The following IFT81 variants were observed in gnomAD, a reference collection of about 807,000 sequenced individuals.
IFT81 encodes intraflagellar transport protein 81 homolog.
IFT81 carries 72 observed loss-of-function variants against 102.6 expected under a neutral mutation model. That is an observed-to-expected ratio of 0.70 (90% CI 0.58 to 0.85). IFT81 has a LOEUF of 0.85. Among genes scored for constraint, IFT81 ranks in the 40% least tolerant of loss-of-function variants. The probability of loss-of-function intolerance (pLI) is 0.00; values close to 1 mark genes in which losing one functional copy is unlikely to be tolerated. For missense variants in IFT81, 723 were observed against 787.3 expected (o/e 0.92, Z 0.98); for synonymous variants, 237 against 242.7 (o/e 0.98, Z 0.22).
intron 11 of IFT81, among the ~76,000 whole-genome samples, chr12:110,176,965 A>G (rs1593339045): frequency 1.3e-5 from 2 of 152,348 alleles, no homozygotes; most frequent in Non-Finnish European, 2.9e-5. Context: ...CATTTTGGGC[A>G]CTTTGCCCAG....
chr12:110,153,861 A>T (rs1895683515), intron 10 of IFT81, among the ~76,000 whole-genome samples: 1 of 148,426 alleles, frequency 6.7e-6, no homozygotes, highest in African/African-American at 2.5e-5. Context: ...CAGCTGATCC[A>T]CCTGCCTCGG....
At chr12:110,177,676 T>G (rs1566146285) in intron 11 of IFT81, among the ~76,000 whole-genome samples, 1 of 152,234 alleles carries the variant, frequency 6.6e-6, no homozygotes, top group East Asian at 1.9e-4. Flanking sequence ...TCTTAGTATT[T>G]TAAAGGAATT....
intron 8 of IFT81, among the ~76,000 whole-genome samples, chr12:110,138,729 G>A (rs1180203874): frequency 1.3e-5 from 2 of 152,132 alleles, no homozygotes; most frequent in African/African-American, 4.8e-5. Flanking sequence ...CACTGGGCCC[G>A]GCTGAGGCTA....
At chr12:110,206,590 G>A (rs185639849) in intron 17 of IFT81, among the ~76,000 whole-genome samples, 37 of 151,650 alleles carry the variant, frequency 2.4e-4, no homozygotes, top group African/African-American at 8.0e-4. Context: ...CGTGGGAATC[G>A]CTTGAACCCG....
chr12:110,209,677 G>A (rs763346917), intron 18 of IFT81, among the ~76,000 whole-genome samples: 4 of 151,058 alleles, frequency 2.6e-5, no homozygotes, highest in Non-Finnish European at 5.9e-5. Context: ...CCTGAGGCAG[G>A]AGAATCACTT....
intron 11 of IFT81, among the ~76,000 whole-genome samples, chr12:110,176,893 G>C (rs1566145699): frequency 6.6e-6 from 1 of 152,250 alleles, no homozygotes; most frequent in Non-Finnish European, 1.5e-5. Flanking sequence ...AGTACAGCAA[G>C]ATAGAGAAGG....
chr12:110,148,926 C>G (rs1380770409), intron 10 of IFT81, among the ~76,000 whole-genome samples: 1 of 152,094 alleles, frequency 6.6e-6, no homozygotes, highest in African/African-American at 2.4e-5. Context: ...TTGCATCCTC[C>G]AACAGTGAAG....
chr12:110,199,615 C>G (rs1038452223), intron 14 of IFT81, among the ~76,000 whole-genome samples: 9 of 152,206 alleles, frequency 5.9e-5, no homozygotes, highest in Non-Finnish European at 1.5e-5. Flanking sequence ...AGTACGTAGG[C>G]TCTGCAGCCC....
chr12:110,128,454 C>A (rs1300318079), intron 3 of IFT81, among the ~76,000 whole-genome samples: 1 of 150,030 alleles, frequency 6.7e-6, no homozygotes, highest in Non-Finnish European at 1.5e-5. Context: ...TATTGAGGGC[C>A]AAATTTTTCT....
At chr12:110,211,764 C>G (rs1869475852) in intron 18 of IFT81, among the ~76,000 whole-genome samples, 1 of 152,084 alleles carries the variant, frequency 6.6e-6, no homozygotes, top group Non-Finnish European at 1.5e-5. Context: ...ACCTTGGCCT[C>G]CCAAAGTGCT....
At chr12:110,142,172 G>GT (rs1020116073) in intron 8 of IFT81, among the ~76,000 whole-genome samples, 12 of 151,774 alleles carry the variant, frequency 7.9e-5, no homozygotes, top group African/African-American at 2.7e-4. Context: ...TTTTTCTTTT[G>GT]TTTTTTTGAG....
intron 10 of IFT81, among the ~76,000 whole-genome samples, chr12:110,154,552 G>A (rs566476429): frequency 8.0e-5 from 12 of 150,792 alleles, no homozygotes; most frequent in South Asian, 4.2e-4. Context: ...AATTGAACCC[G>A]GGAGGTAGAG....
intron 11 of IFT81, 22 bp downstream of exon 11, chr12:110,163,087 G>C (rs1189751262): frequency 1.2e-6 from 2 of 1,605,336 alleles, no homozygotes; most frequent in Non-Finnish European, 1.7e-6. Context: ...CATCTCATGG[G>C]ACAAGGGTAT....
At chr12:110,173,963 AAAAAAAAAAGAAAG>A (rs1246018836) in intron 11 of IFT81, among the ~76,000 whole-genome samples, 2 of 148,730 alleles carry the variant, frequency 1.3e-5, no homozygotes, top group African/African-American at 4.9e-5. Context: ...ATGATCAATA[AAAAAAAAAAGAAAG>A]AAAAAAAAAG....
intron 9 of IFT81, among the ~76,000 whole-genome samples, chr12:110,144,605 G>T (rs957621568): frequency 2.8e-5 from 4 of 144,128 alleles, no homozygotes; most frequent in Non-Finnish European, 6.1e-5. Context: ...CTGCCTCCCG[G>T]GTTCAAGCCA....
At chr12:110,211,268 C>A (rs1869404864) in intron 18 of IFT81, among the ~76,000 whole-genome samples, 2 of 149,616 alleles carry the variant, frequency 1.3e-5, no homozygotes, top group Non-Finnish European at 3.0e-5. Flanking sequence ...CAGCTCACTG[C>A]ATCCTCTGCC....
At chr12:110,199,479 C>A (rs868286195) in intron 14 of IFT81, among the ~76,000 whole-genome samples, 2 of 152,260 alleles carry the variant, frequency 1.3e-5, no homozygotes, top group African/African-American at 4.8e-5. Context: ...AACTCCAAAG[C>A]TGCCTGAGGA....
intron 14 of IFT81, among the ~76,000 whole-genome samples, chr12:110,197,204 A>G (rs1010797413): frequency 2.0e-5 from 3 of 151,788 alleles, no homozygotes; most frequent in Non-Finnish European, 4.4e-5. Flanking sequence ...CTCTAGGTAG[A>G]TAGATAGATA....
chr12:110,166,394 A>G (rs1896437792), intron 11 of IFT81, among the ~76,000 whole-genome samples: 1 of 152,186 alleles, frequency 6.6e-6, no homozygotes, highest in Non-Finnish European at 1.5e-5. Context: ...TCTAGCTGCC[A>G]TTCTCTGAGC....
Sources: gnomAD v4.1 joint callset for allele counts (sites outside exome capture counted in the v4.1 genomes callset) on GRCh38, gnomAD v4.1.1 for gene constraint, MANE v1.5 for transcripts, NCBI Gene and HGNC (gene_info 2026-07-23, HGNC 2026-07-21) for gene names.